Variants in FAM174B observed in about 807,000 individuals in gnomAD.
The protein encoded by FAM174B is membrane protein FAM174B.
A neutral mutation model predicts 10.9 loss-of-function variants in FAM174B; 12 were observed. The ratio of observed to expected loss-of-function variants is 1.10; its 90% CI spans 0.71 to 1.79. FAM174B has a LOEUF of 1.79. FAM174B is among the 40% of genes most tolerant of loss of function. The pLI is 0.00. For synonymous variants in FAM174B, 132 were observed against 115.8 expected (o/e 1.14, Z -0.90); for missense variants, 266 against 233.3 (o/e 1.14, Z -0.91).
intron 2 of FAM174B, among the ~76,000 whole-genome samples, chr15:92,627,884 C>T (rs1405398057): frequency 6.6e-6 from 1 of 152,092 alleles, no homozygotes; most frequent in Non-Finnish European, 1.5e-5. Context: ...GATAAAATGG[C>T]TTAGCGATAA....
intron 1 of FAM174B, among the ~76,000 whole-genome samples, chr15:92,631,370 TATATA>T (rs1480393217): frequency 2.7e-5 from 1 of 37,468 alleles, no homozygotes; most frequent in South Asian, 7.0e-4. Context: ...TATTATATTA[TATATA>T]ATATATTATA....
chr15:92,636,058 A>T (rs1397792422), intron 1 of FAM174B, among the ~76,000 whole-genome samples: 4 of 152,230 alleles, frequency 2.6e-5, no homozygotes, highest in Non-Finnish European at 5.9e-5. Context: ...AAAACGTGAG[A>T]AAATGGGAAA....
chr15:92,633,540 C>T (rs900804303), intron 1 of FAM174B, among the ~76,000 whole-genome samples: 4 of 152,084 alleles, frequency 2.6e-5, no homozygotes, highest in Non-Finnish European at 4.4e-5. Context: ...TTCGTCTCTG[C>T]TTTCATCACC....
intron 2 of FAM174B, among the ~76,000 whole-genome samples, chr15:92,622,134 C>T (rs1316027470): frequency 1.3e-5 from 2 of 152,200 alleles, no homozygotes; most frequent in Admixed American, 1.3e-4. Flanking sequence ...AATTCACCTC[C>T]GTAAGTGTCT....
intron 2 of FAM174B, among the ~76,000 whole-genome samples, chr15:92,626,596 T>C (rs1209286599): frequency 6.6e-6 from 1 of 151,962 alleles, no homozygotes. Flanking sequence ...AACCCAGGCA[T>C]GGAGACTGGT....
At chr15:92,626,767 T>A (rs907370547) in intron 2 of FAM174B, among the ~76,000 whole-genome samples, 24 of 152,026 alleles carry the variant, frequency 1.6e-4, no homozygotes, top group African/African-American at 5.6e-4. Context: ...AACCACCAAG[T>A]GCTGGCCGGG....
chr15:92,640,631 ATTTTGGTTTTTGTT>A (rs893530032), intron 1 of FAM174B, among the ~76,000 whole-genome samples: 2 of 148,790 alleles, frequency 1.3e-5, no homozygotes, highest in African/African-American at 2.5e-5. Context: ...CTCATCATAA[ATTTTGGTTTTTGTT>A]TTTTGGTTTT....
intron 1 of FAM174B, among the ~76,000 whole-genome samples, chr15:92,650,221 A>G (rs767573457): frequency 1.6e-4 from 25 of 152,254 alleles, no homozygotes; most frequent in Non-Finnish European, 2.4e-4. Flanking sequence ...GAAATACAAG[A>G]TAAGTAGGAA....
intron 1 of FAM174B, among the ~76,000 whole-genome samples, chr15:92,638,415 T>C (rs1172714656): frequency 1.3e-5 from 2 of 152,180 alleles, no homozygotes; most frequent in Non-Finnish European, 2.9e-5. Context: ...TACGTCCCAC[T>C]TATACAAACA....
chr15:92,630,839 A>ACG (rs1567044712), intron 1 of FAM174B, among the ~76,000 whole-genome samples: 9 of 57,998 alleles, frequency 1.6e-4, no homozygotes, highest in South Asian at 5.7e-4. Flanking sequence ...TATATTATAT[A>ACG]TATTACATAT....
chr15:92,617,856 G>C lies in FAM174B; in HGVS notation c.*1600C>G. The C allele has an allele frequency of 2.1e-6, 1 of 473,760 alleles. No homozygotes were observed. Among genetic ancestry groups the C allele is most frequent in the Non-Finnish European group, 3.7e-6 (1 of 270,622 alleles). The allele number at this position is 473,760 out of a possible 1,614,324, so 29.3% of individuals were successfully genotyped here. On this transcript the variant is annotated 3_prime_UTR_variant, in exon 3 of 3. Transcript: ENST00000327355. Reference sequence around the variant, plus strand: ...AAGAAGGTGAAATGCAGGGAGCAGAGACTACACGCAGGCCCCCCGTGGCTG... The same window carrying C: ...AAGAAGGTGAAATGCAGGGAGCAGACACTACACGCAGGCCCCCCGTGGCTG...
At chr15:92,628,443 A>G (rs56283558) in intron 2 of FAM174B, among the ~76,000 whole-genome samples, 13,305 of 149,418 alleles carry the variant, frequency 0.089, 1,043 homozygotes, top group African/African-American at 0.21. Flanking sequence ...GCCTCTCAAA[A>G]TGCTGAGACT....
chr15:92,633,925 C>T (rs1023387446), intron 1 of FAM174B, among the ~76,000 whole-genome samples: 9 of 152,140 alleles, frequency 5.9e-5, no homozygotes, highest in African/African-American at 1.9e-4. Flanking sequence ...GATCCAAATG[C>T]CACAAGCAAT....
chr15:92,654,799 A>AAG (rs1555422610), intron 1 of FAM174B, among the ~76,000 whole-genome samples: 190 of 146,952 alleles, frequency 1.3e-3, no homozygotes, highest in Middle Eastern at 3.4e-3. Flanking sequence ...AAAAAAAAAA[A>AAG]AAGAAGAAGA....
rs142533131 is a variant in FAM174B, at chr15:92,617,966, G to A, written c.*1490C>T. ...TGCTCTTTCCTGCAGAGGCGAAACTGCCTTCCTGGCAGGCGGAGGCTGCCG... is the reference window on the plus strand; with the variant it reads ...TGCTCTTTCCTGCAGAGGCGAAACTACCTTCCTGGCAGGCGGAGGCTGCCG... On this transcript the variant is annotated 3_prime_UTR_variant, in exon 3 of 3. Transcript: ENST00000327355. 205 of 360,510 alleles carry A rather than the reference G, an allele frequency of 5.7e-4. No individual in the cohort carries two copies. The East Asian group carries it at 8.2e-3, about 14-fold the overall frequency. The allele number at this position is 360,510 out of a possible 1,614,324, so 22.3% of individuals were successfully genotyped here. A position where few individuals can be genotyped will look rare whatever the true frequency, so the allele number is the denominator to read the frequency against.
chr15:92,638,871 C>T (rs2050872774), intron 1 of FAM174B, among the ~76,000 whole-genome samples: 1 of 152,230 alleles, frequency 6.6e-6, no homozygotes, highest in South Asian at 2.1e-4. Context: ...GCACTGTCTA[C>T]ACATGACCTC....
intron 1 of FAM174B, among the ~76,000 whole-genome samples, chr15:92,631,682 TAG>T (rs2050819969): frequency 6.7e-6 from 1 of 149,144 alleles, no homozygotes; most frequent in Non-Finnish European, 1.5e-5. Context: ...GTATTTTTTG[TAG>T]AGACAGATTT....
In FAM174B at chr15:92,655,332, GC is replaced by G; in HGVS notation, c.327del (p.Leu110CysfsTer11). The G allele has an allele frequency of 6.4e-7, 1 of 1,568,708 alleles. No homozygotes were observed. Among genetic ancestry groups the G allele is most frequent in the Non-Finnish European group, 8.6e-7 (1 of 1,157,088 alleles). ...FAFTTLLIACLLLRVFRSGKR... is the reference protein window; with the variant it reads ...FAFTTLLIACXLLRVFRSGKR... ...AGGGCCCACCTGAAGACGCGCAGCA[GC>G]AGGCAGGCGATGAGGAGGGTGGTAA... On this transcript the variant is annotated frameshift_variant, in exon 1 of 3. Coordinates refer to ENST00000327355, the MANE Select transcript of FAM174B (RefSeq NM_207446.3). LOFTEE classifies it high-confidence loss of function.
chr15:92,632,275 T>C (rs951598086), intron 1 of FAM174B, among the ~76,000 whole-genome samples: 1 of 152,206 alleles, frequency 6.6e-6, no homozygotes, highest in Admixed American at 6.5e-5. Flanking sequence ...CCGGGTGCGG[T>C]GGCTCACGCC....
Sources: allele counts gnomAD v4.1 joint callset (sites outside exome capture counted in the v4.1 genomes callset), GRCh38; gene constraint gnomAD v4.1.1; transcripts MANE v1.5; gene names NCBI Gene and HGNC (gene_info 2026-07-23, HGNC 2026-07-21).